Variants in MTBP observed in about 807,000 individuals in gnomAD.
MTBP encodes mdm2-binding protein.
Under a neutral mutation model 117.0 loss-of-function variants are expected in MTBP, and 101 were observed. The observed-to-expected ratio is 0.86, with a 90% CI of 0.73 to 1.02. MTBP has a LOEUF of 1.02. Among genes scored for constraint, MTBP ranks in the 50% least tolerant of loss-of-function variants. The pLI is 0.00. For synonymous variants in MTBP, 350 were observed against 351.5 expected (o/e 1.00, Z 0.05); for missense variants, 970 against 1,030.9 (o/e 0.94, Z 0.81).
intron 18 of MTBP, 93 bp downstream of exon 18, chr8:120,516,284 A>G: frequency 8.8e-7 from 1 of 1,135,076 alleles, no homozygotes; most frequent in South Asian, 1.8e-5. Flanking sequence ...TTTCAGGTTA[A>G]TTTCTTCATG....
At chr8:120,486,133 C>T (rs1451183126) in intron 11 of MTBP, among the ~76,000 whole-genome samples, 1 of 152,092 alleles carries the variant, frequency 6.6e-6, no homozygotes, top group African/African-American at 2.4e-5. Context: ...CACTTCTTAG[C>T]TGTCTCATTC....
intron 11 of MTBP, chr8:120,472,765 T>A (rs1477418707): frequency 2.0e-5 from 3 of 152,212 alleles, no homozygotes; most frequent in African/African-American, 7.2e-5. Context: ...CATTCCGTTA[T>A]TTAGAGCTAG....
At chr8:120,514,920 G>C (rs765886436) in intron 17 of MTBP, among the ~76,000 whole-genome samples, 1 of 152,008 alleles carries the variant, frequency 6.6e-6, no homozygotes, top group African/African-American at 2.4e-5. Flanking sequence ...CAGCTAATAA[G>C]TAGAGGAGCC....
chr8:120,502,728 A>G (rs879420416), intron 15 of MTBP, 119 bp downstream of exon 15: 3 of 607,602 alleles, frequency 4.9e-6, no homozygotes, highest in Non-Finnish European at 8.3e-6. Context: ...TAAAAGAAAT[A>G]CATACTTACT....
chr8:120,515,322 G>A (rs773965190), intron 17 of MTBP, among the ~76,000 whole-genome samples: 9 of 151,986 alleles, frequency 5.9e-5, no homozygotes, highest in Non-Finnish European at 8.8e-5. Flanking sequence ...GAGTCCAGAA[G>A]CATTCACTGA....
chr8:120,519,662 G>A lies in MTBP; in HGVS notation c.2610+845G>A, dbSNP rs148311556. On this transcript the variant is annotated intron_variant, in intron 20 of 21. Transcript: ENST00000305949. ...CAATAACAAAAAAGCACATGGAAGTGTGGTGTAACAGAGTGAAAAGAGTTA... is the reference window on the plus strand; with the variant it reads ...CAATAACAAAAAAGCACATGGAAGTATGGTGTAACAGAGTGAAAAGAGTTA... 4.1e-3 allele frequency among the ~76,000 whole-genome samples: 618 copies of A among 152,252 alleles called. 5 individuals are homozygous for A. The highest frequency in any genetic ancestry group is 0.014 in the African/African-American group (594 of 41,556).
chr8:120,488,012 A>T, intron 11 of MTBP, 147 bp from the exon 12 acceptor site: 1 of 515,706 alleles, frequency 1.9e-6, no homozygotes, highest in Non-Finnish European at 3.2e-6. Context: ...TTTCTCAATT[A>T]AATGAACAAC....
At chr8:120,455,759 AT>A (rs1813454405) in intron 6 of MTBP, among the ~76,000 whole-genome samples, 180 bp downstream of exon 6, 1 of 152,068 alleles carries the variant, frequency 6.6e-6, no homozygotes, top group Non-Finnish European at 1.5e-5. Flanking sequence ...CATATTTTAT[AT>A]TTATGTTTCT....
intron 13 of MTBP, among the ~76,000 whole-genome samples, chr8:120,497,020 AG>A (rs1230825836): frequency 6.6e-6 from 1 of 152,194 alleles, no homozygotes; most frequent in African/African-American, 2.4e-5. Context: ...TTAGGTTTTG[AG>A]AAGAAGAAAC....
At chr8:120,496,066 AT>A (rs1814447483) in intron 13 of MTBP, among the ~76,000 whole-genome samples, 24 of 152,334 alleles carry the variant, frequency 1.6e-4, no homozygotes, top group Admixed American at 1.4e-3. Flanking sequence ...TTTTAGATCT[AT>A]GGCCAAGTTG....
At chr8:120,510,632 TG>T (rs1814784077) in intron 17 of MTBP, among the ~76,000 whole-genome samples, 1 of 152,224 alleles carries the variant, frequency 6.6e-6, no homozygotes, top group Non-Finnish European at 1.5e-5. Context: ...CCAGACACGG[TG>T]GCTAACGCCT....
At chr8:120,463,888 T>G in intron 10 of MTBP, 127 bp downstream of exon 10, 1 of 848,392 alleles carries the variant, frequency 1.2e-6, no homozygotes, top group South Asian at 2.3e-5. Context: ...TAATGTAATA[T>G]AGGATAATTT....
Position 120,451,331 on chromosome 8 carries a change from A to G in MTBP, c.425+9A>G, listed in dbSNP as rs1257915214. The stretch of plus-strand genomic sequence containing the variant: ...TCATTATCCTTGGCTGAGTATGCTT[A>G]TATGGTTTTTGTATTATCATTAAAA... On this transcript the variant is annotated intron_variant, in intron 4 of 21. Transcript: ENST00000305949. 6.2e-7 allele frequency: 1 copy of G among 1,606,228 alleles called. No homozygotes were observed. Among genetic ancestry groups the G allele is most frequent in the Non-Finnish European group, 8.5e-7 (1 of 1,173,374 alleles).
chr8:120,449,234 T>C lies in MTBP; in HGVS notation c.200-1769T>C, dbSNP rs912424085. 3.9e-5 allele frequency among the ~76,000 whole-genome samples: 6 copies of C among 152,164 alleles called. No homozygotes were observed. In the East Asian group the frequency reaches 5.8e-4, roughly 15 times the overall value. ...GGTATGATGTAGAAGAAGGAAAGGA[T>C]GAGAAAAGAATCAAGGATGACATTA... On this transcript the variant is annotated intron_variant, in intron 2 of 21. Transcript: ENST00000305949.
chr8:120,483,270 C>T (rs1000082843), intron 11 of MTBP, among the ~76,000 whole-genome samples: 1 of 151,798 alleles, frequency 6.6e-6, no homozygotes, highest in Non-Finnish European at 1.5e-5. Flanking sequence ...AAACAGTGAT[C>T]TCATTGTTGA....
intron 4 of MTBP, among the ~76,000 whole-genome samples, chr8:120,453,016 A>T (rs1336458028): frequency 6.6e-6 from 1 of 152,092 alleles, no homozygotes; most frequent in Non-Finnish European, 1.5e-5. Flanking sequence ...TTGAGAAAAA[A>T]ATTGCATCAT....
Position 120,463,674 on chromosome 8 carries a change from T to G in MTBP, c.978-18T>G. 6.3e-7 allele frequency: 1 copy of G among 1,576,334 alleles called. No individual in the cohort carries two copies. The highest frequency in any genetic ancestry group is 8.6e-7 in the Non-Finnish European group (1 of 1,156,814). Reference sequence around the variant, plus strand: ...TTCATGGGTACCATTACATCATTTCTTTAACTCCTTAGTACAGAGGATTGA... The same window carrying G: ...TTCATGGGTACCATTACATCATTTCGTTAACTCCTTAGTACAGAGGATTGA... On this transcript the variant is annotated intron_variant, in intron 9 of 21. Coordinates refer to ENST00000305949, the MANE Select transcript of MTBP (RefSeq NM_022045.5).
intron 13 of MTBP, among the ~76,000 whole-genome samples, chr8:120,492,192 C>T (rs1398271340): frequency 3.3e-5 from 5 of 151,990 alleles, no homozygotes; most frequent in African/African-American, 1.2e-4. Flanking sequence ...GATAAATGAT[C>T]CAGTTAATCT....
intron 15 of MTBP, among the ~76,000 whole-genome samples, chr8:120,504,566 A>G (rs966707464): frequency 6.6e-6 from 1 of 152,078 alleles, no homozygotes; most frequent in Non-Finnish European, 1.5e-5. Flanking sequence ...TTTTGTCTCT[A>G]AAACTTTTAC....
Sources: gnomAD v4.1 joint callset for allele counts (sites outside exome capture counted in the v4.1 genomes callset) on GRCh38, gnomAD v4.1.1 for gene constraint, MANE v1.5 for transcripts, NCBI Gene and HGNC (gene_info 2026-07-23, HGNC 2026-07-21) for gene names.